The following RNF214 variants were observed in gnomAD, a reference collection of about 807,000 sequenced individuals.
RNF214 encodes ring finger protein 214.
A neutral mutation model predicts 75.9 loss-of-function variants in RNF214; 25 were observed. The ratio of observed to expected loss-of-function variants is 0.33; its 90% CI spans 0.24 to 0.46. The LOEUF is 0.46. Ranked by LOEUF, RNF214 falls within the 20% of genes least tolerant of loss-of-function variation. The pLI, the probability that RNF214 is intolerant of heterozygous loss-of-function variation, is 1.00. For synonymous variants in RNF214, 314 were observed against 308.8 expected, an observed-to-expected ratio of 1.02 and a Z score of -0.18; for missense variants, 725 against 857.5, an observed-to-expected ratio of 0.85 and a Z score of 1.93.
chr11:117,246,737 TA>T, intron 5 of RNF214, 71 bp from the exon 6 acceptor site: 1 of 1,392,914 alleles, frequency 7.2e-7, no homozygotes, highest in Non-Finnish European at 9.5e-7. Flanking sequence ...TAGTTGAAAA[TA>T]ACCTTTGCAT....
chr11:117,252,011 G>A (rs1165942689), intron 6 of RNF214, among the ~76,000 whole-genome samples: 2 of 152,036 alleles, frequency 1.3e-5, no homozygotes, highest in African/African-American at 4.8e-5. Context: ...TGGAACTACA[G>A]GCCTGTGCCA....
At chr11:117,272,452 G>A (rs1171929197) in intron 6 of RNF214, among the ~76,000 whole-genome samples, 1 of 152,178 alleles carries the variant, frequency 6.6e-6, no homozygotes, top group Non-Finnish European at 1.5e-5. Context: ...TAGGGAGGAA[G>A]AGGAGGGAGA....
intron 4 of RNF214, among the ~76,000 whole-genome samples, chr11:117,243,048 T>A (rs2033121442): frequency 1.3e-5 from 2 of 152,232 alleles, no homozygotes; most frequent in Admixed American, 1.3e-4. Context: ...AATCAGCTGT[T>A]TGGGACACAT....
chr11:117,258,227 C>T (rs1364884660), intron 6 of RNF214, among the ~76,000 whole-genome samples: 1 of 152,042 alleles, frequency 6.6e-6, no homozygotes, highest in Non-Finnish European at 1.5e-5. Flanking sequence ...TGCCACCACA[C>T]CCAGCTGATT....
At chr11:117,253,685 T>A (rs2033453953) in intron 6 of RNF214, among the ~76,000 whole-genome samples, 1 of 151,534 alleles carries the variant, frequency 6.6e-6, no homozygotes, top group Middle Eastern at 3.4e-3. Context: ...CTATAAAAAA[T>A]AAATAAATAA....
chr11:117,276,209 C>A (rs974940657), intron 6 of RNF214, among the ~76,000 whole-genome samples: 1 of 152,112 alleles, frequency 6.6e-6, no homozygotes, highest in Non-Finnish European at 1.5e-5. Flanking sequence ...AAACCCTCAA[C>A]AAATTAGGCA....
At position 117,239,438 on chromosome 11, in the gene RNF214, G is replaced by A. The variant is rs1398435166; in HGVS notation, c.618+327G>A. On this transcript the variant is annotated intron_variant, in intron 3 of 14. Transcript: ENST00000300650. ...CTTTGACCTTGCAGGAAGAATCCTTGTTAATTCTCTGAGTCACATCTTAAG... is the reference window on the plus strand; with the variant it reads ...CTTTGACCTTGCAGGAAGAATCCTTATTAATTCTCTGAGTCACATCTTAAG... 4 of 450,546 alleles carry A rather than the reference G, an allele frequency of 8.9e-6. No homozygotes were observed. The East Asian group carries it at 1.3e-4, about 14-fold the overall frequency. 27.9% of individuals were successfully genotyped at this position (450,546 alleles called of 1,614,324 possible). A position where few individuals can be genotyped will look rare whatever the true frequency, so the allele number is the denominator to read the frequency against.
intron 2 of RNF214, among the ~76,000 whole-genome samples, chr11:117,237,555 G>A (rs2032944184): frequency 6.6e-6 from 1 of 152,194 alleles, no homozygotes; most frequent in Non-Finnish European, 1.5e-5. Flanking sequence ...CTGGGTGAAA[G>A]ATGTGCAATT....
At chr11:117,247,316 C>T (rs2033250321) in intron 6 of RNF214, among the ~76,000 whole-genome samples, 1 of 151,882 alleles carries the variant, frequency 6.6e-6, no homozygotes, top group South Asian at 2.1e-4. Context: ...CTAGCAAGAC[C>T]CCCTCTCTAC....
chr11:117,252,824 A>AT (rs1312367566), intron 6 of RNF214, among the ~76,000 whole-genome samples: 1 of 151,858 alleles, frequency 6.6e-6, no homozygotes, highest in Non-Finnish European at 1.5e-5. Flanking sequence ...CTGGCCTGAA[A>AT]TTTTTTTTAA....
rs770462354 is a variant in RNF214, at chr11:117,246,875, GAGA to G, written c.892_894del (p.Lys298del). ...AGAAACAAAGAAGAAGATAGAGAAA[GAGA>G]AGAAGGAGTTTTTGCAGAAGGAGCA... On this transcript the variant is annotated inframe_deletion, in exon 6 of 15. Coordinates refer to ENST00000300650, the MANE Select transcript of RNF214 (RefSeq NM_207343.4). The G allele has an allele frequency of 2.5e-6, 4 of 1,613,410 alleles. No individual in the cohort carries two copies. The highest frequency in any genetic ancestry group is 1.1e-5 in the South Asian group (1 of 90,982).
chr11:117,283,793 C>G (rs1397800712), intron 14 of RNF214, among the ~76,000 whole-genome samples: 2 of 152,016 alleles, frequency 1.3e-5, no homozygotes. Context: ...GCTGAGATTA[C>G]AGGCACATGC....
intron 6 of RNF214, among the ~76,000 whole-genome samples, chr11:117,279,323 CTTTTTTTTTTTTT>C (rs34196418): frequency 9.6e-6 from 1 of 104,356 alleles, no homozygotes; most frequent in Non-Finnish European, 1.9e-5. Context: ...GAGATACAAA[CTTTTTTTTTTTTT>C]TTTTTTTTTT....
chr11:117,270,241 CTTTTTTTTT>C (rs57144374), intron 6 of RNF214, among the ~76,000 whole-genome samples: 9 of 75,872 alleles, frequency 1.2e-4, no homozygotes, highest in East Asian at 3.8e-4. Flanking sequence ...CTTTTCTTTT[CTTTTTTTTT>C]TTTTTTTTTT....
At chr11:117,235,313 C>T (rs774889718) in intron 2 of RNF214, among the ~76,000 whole-genome samples, 25 of 151,806 alleles carry the variant, frequency 1.6e-4, no homozygotes, top group Non-Finnish European at 1.6e-4. Context: ...TCTCCTGCCT[C>T]AGCCTCCCCA....
chr11:117,247,929 G>A (rs2033271383), intron 6 of RNF214, among the ~76,000 whole-genome samples: 1 of 151,694 alleles, frequency 6.6e-6, no homozygotes, highest in Admixed American at 6.6e-5. Context: ...TTACATTTGT[G>A]TTATTCAGCA....
Position 117,271,698 on chromosome 11 carries a change from G to A in RNF214, c.960-8210G>A, listed in dbSNP as rs73582339. ...AAAGGAGCTAGAAATGAAGCTAATG[G>A]CCTGGATAGTGTACTAGGAGTTGAT... is the stretch of plus-strand genomic sequence containing the variant. On this transcript the variant is annotated intron_variant, in intron 6 of 14. Transcript: ENST00000300650. Among the ~76,000 whole-genome samples the A allele has an allele frequency of 7.1e-3, 1,077 of 152,300 alleles. 14 individuals carry two copies. Among genetic ancestry groups the A allele is most frequent in the African/African-American group, 0.024 (990 of 41,556 alleles).
At chr11:117,283,323 T>C in intron 14 of RNF214, 113 bp downstream of exon 14, 1 of 715,114 alleles carries the variant, frequency 1.4e-6, no homozygotes, top group East Asian at 2.7e-5. Flanking sequence ...ATAACTTTTC[T>C]TTTACTGTGT....
chr11:117,254,252 GAAAAAA>G (rs577904003), intron 6 of RNF214, among the ~76,000 whole-genome samples: 1 of 143,578 alleles, frequency 7.0e-6, no homozygotes, highest in African/African-American at 2.5e-5. Context: ...CCATCTCAAA[GAAAAAA>G]AAAAACAAAG....
Sources: gnomAD v4.1 joint callset for allele counts (sites outside exome capture counted in the v4.1 genomes callset) on GRCh38, gnomAD v4.1.1 for gene constraint, MANE v1.5 for transcripts, NCBI Gene and HGNC (gene_info 2026-07-23, HGNC 2026-07-21) for gene names.